The following CD48 variants were observed in gnomAD, a reference collection of about 807,000 sequenced individuals.
CD48 encodes CD48 molecule, also known as CD48 antigen.
CD48 carries 20 observed loss-of-function variants against 22.0 expected under a neutral mutation model. That is an observed-to-expected ratio of 0.91 (90% CI 0.64 to 1.32). The LOEUF is 1.32. CD48 is among the 40% of genes most tolerant of loss of function. The probability of loss-of-function intolerance (pLI) is 0.00; values close to 1 mark genes in which losing one functional copy is unlikely to be tolerated. For synonymous variants in CD48, 110 were observed against 110.1 expected (o/e 1.00, Z 0.01); for missense variants, 307 against 286.5 (o/e 1.07, Z -0.52).
In CD48 at chr1:160,684,591, G is replaced by A. The variant is rs1285054936; in HGVS notation, c.385+296C>T. On this transcript the variant is annotated intron_variant, in intron 2 of 3. Transcript: ENST00000368046. ...AATCAAGATGAGCTGAGCTGATTTA[G>A]GTTGATCACAGGACAAAATGAAGGA... 6.1e-6 allele frequency: 5 copies of A among 815,280 alleles called. No homozygotes were observed. The East Asian group carries it at 1.3e-4, about 22-fold the overall frequency. The allele number at this position is 815,280 out of a possible 1,614,324, so 50.5% of individuals were successfully genotyped here. A position where few individuals can be genotyped will look rare whatever the true frequency, so the allele number is the denominator to read the frequency against.
chr1:160,708,715 G>A (rs992136038), intron 1 of CD48, among the ~76,000 whole-genome samples: 11 of 152,156 alleles, frequency 7.2e-5, no homozygotes, highest in African/African-American at 2.4e-4. Flanking sequence ...AGGTTTGGGG[G>A]AAGAAGGATT....
chr1:160,700,492 A>G (rs1346594891), intron 1 of CD48, among the ~76,000 whole-genome samples: 4 of 152,296 alleles, frequency 2.6e-5, no homozygotes, highest in East Asian at 1.9e-4. Context: ...TCACTCCACT[A>G]AATCATTATG....
chr1:160,685,238 C>T (rs777052442), intron 1 of CD48, 49 bp from the exon 2 acceptor site: 2 of 1,431,772 alleles, frequency 1.4e-6, no homozygotes, highest in East Asian at 4.6e-5. Context: ...GGCAGTGTTG[C>T]TGACAGGCCC....
Position 160,679,013 on chromosome 1 carries a change from T to A in CD48, c.*39A>T. 1 of 1,487,164 alleles carries A rather than the reference T, an allele frequency of 6.7e-7. No individual in the cohort carries two copies. The highest frequency in any genetic ancestry group is 9.4e-7 in the Non-Finnish European group (1 of 1,064,258). The allele number at this position is 1,487,164 out of a possible 1,614,324, so 92.1% of individuals were successfully genotyped here. On this transcript the variant is annotated 3_prime_UTR_variant, in exon 4 of 4. Coordinates refer to ENST00000368046, the MANE Select transcript of CD48 (RefSeq NM_001778.4). ...GCATGATCACCAACAGGCAAGATCT[T>A]CTGGCCTTGAAGTTTCGCTTGAGTT...
Position 160,705,168 on chromosome 1 carries a change from T to A in CD48, c.82+6514A>T, listed in dbSNP as rs148461336. ...TGTCTGTGACCCCAGGGCTTTCAAG[T>A]TCCTGTTCATTCAGCCTTCCAACCA... On this transcript the variant is annotated intron_variant, in intron 1 of 3. Transcript: ENST00000368046. Among the ~76,000 whole-genome samples the A allele has an allele frequency of 2.0e-3, 304 of 152,290 alleles. 2 individuals carry two copies. Among genetic ancestry groups the A allele is most frequent in the Non-Finnish European group, 3.9e-3 (265 of 68,008 alleles).
chr1:160,698,831 G>T (rs1419096684), intron 1 of CD48: 1 of 152,596 alleles, frequency 6.6e-6, no homozygotes, highest in Non-Finnish European at 1.5e-5. Context: ...AGGAACTGAG[G>T]CAATTGCAGG....
chr1:160,707,242 T>A (rs1662822593), intron 1 of CD48, among the ~76,000 whole-genome samples: 3 of 152,124 alleles, frequency 2.0e-5, no homozygotes, highest in African/African-American at 7.2e-5. Flanking sequence ...ACAATAAAAA[T>A]AGACTCTTCT....
intron 1 of CD48, among the ~76,000 whole-genome samples, chr1:160,703,705 A>G (rs905915009): frequency 2.6e-5 from 4 of 152,208 alleles, no homozygotes; most frequent in Non-Finnish European, 5.9e-5. Flanking sequence ...AAGGGGAGTC[A>G]CAAGTACTGG....
intron 3 of CD48, 106 bp downstream of exon 3, chr1:160,681,096 C>G: frequency 1.3e-6 from 2 of 1,576,932 alleles, no homozygotes; most frequent in Non-Finnish European, 1.7e-6. Context: ...CTTAGGGATT[C>G]ACCACCACAC....
At chr1:160,699,719 G>A (rs892390942) in intron 1 of CD48, 8 of 152,104 alleles carry the variant, frequency 5.3e-5, no homozygotes, top group Middle Eastern at 3.4e-3. Flanking sequence ...CACAGCACTT[G>A]ATCCTTTACC....
At chr1:160,705,940 T>C (rs1336969414) in intron 1 of CD48, among the ~76,000 whole-genome samples, 1 of 152,132 alleles carries the variant, frequency 6.6e-6, no homozygotes, top group Non-Finnish European at 1.5e-5. Flanking sequence ...TTCTCCCACA[T>C]TCACCCTGGT....
At chr1:160,700,267 T>C (rs1240626407) in intron 1 of CD48, among the ~76,000 whole-genome samples, 5 of 152,154 alleles carry the variant, frequency 3.3e-5, no homozygotes, top group African/African-American at 1.2e-4. Context: ...TGGATAATGA[T>C]TGTCAATAAC....
chr1:160,704,399 G>A (rs925672032), intron 1 of CD48, among the ~76,000 whole-genome samples: 10 of 151,796 alleles, frequency 6.6e-5, no homozygotes, highest in Non-Finnish European at 1.3e-4. Flanking sequence ...TGGGGTTAGC[G>A]GGATACATGT....
At chr1:160,680,877 G>A (rs1571046253) in intron 3 of CD48, 2 of 1,364,188 alleles carry the variant, frequency 1.5e-6, no homozygotes, top group Non-Finnish European at 1.9e-6. Flanking sequence ...TGCTCACCCT[G>A]ATGTTTCAGT....
intron 1 of CD48, among the ~76,000 whole-genome samples, chr1:160,693,335 G>C (rs976787029): frequency 2.0e-4 from 31 of 152,266 alleles, no homozygotes; most frequent in Non-Finnish European, 4.0e-4. Context: ...ATACGAAAAC[G>C]CCAATCCTGA....
At chr1:160,689,428 T>C (rs1289063544) in intron 1 of CD48, among the ~76,000 whole-genome samples, 1 of 152,108 alleles carries the variant, frequency 6.6e-6, no homozygotes, top group Non-Finnish European at 1.5e-5. Flanking sequence ...GAGAGGAAAC[T>C]GGTGAGACAG....
intron 3 of CD48, chr1:160,680,666 A>T: frequency 9.9e-7 from 1 of 1,009,978 alleles, no homozygotes; most frequent in Non-Finnish European, 1.2e-6. Context: ...TAGGAACATC[A>T]GGCTGGGGAG....
At chr1:160,710,645 C>G (rs1662920780) in intron 1 of CD48, among the ~76,000 whole-genome samples, 1 of 152,110 alleles carries the variant, frequency 6.6e-6, no homozygotes, top group Non-Finnish European at 1.5e-5. Context: ...CACATCAGCC[C>G]CCAATCCCAA....
chr1:160,705,709 A>G (rs762608605), intron 1 of CD48, among the ~76,000 whole-genome samples: 1 of 152,164 alleles, frequency 6.6e-6, no homozygotes, highest in Non-Finnish European at 1.5e-5. Context: ...ACATGAATTA[A>G]TAGAAGCGGT....
Sources: allele counts gnomAD v4.1 joint callset (sites outside exome capture counted in the v4.1 genomes callset), GRCh38; gene constraint gnomAD v4.1.1; transcripts MANE v1.5; gene names NCBI Gene and HGNC (gene_info 2026-07-23, HGNC 2026-07-21).